STT3B: variants seen among roughly 807,000 people sequenced by gnomAD.
The protein encoded by STT3B is STT3 oligosaccharyltransferase complex catalytic subunit B, also known as dolichyl-diphosphooligosaccharide--protein glycosyltransferase subunit STT3B.
Under a neutral mutation model 96.8 loss-of-function variants are expected in STT3B, and 29 were observed. The observed-to-expected ratio is 0.30, with a 90% CI of 0.22 to 0.41. The LOEUF (loss-of-function observed/expected upper bound fraction) is 0.41. Among genes scored for constraint, STT3B ranks in the 10% least tolerant of loss-of-function variants. The pLI, the probability that STT3B is intolerant of heterozygous loss-of-function variation, is 1.00. For missense variants in STT3B, 640 were observed against 1,022.3 expected (o/e 0.63, Z 5.10); for synonymous variants, 367 against 360.0 (o/e 1.02, Z -0.22).
chr3:31,551,510 C>T (rs957328383), intron 1 of STT3B, among the ~76,000 whole-genome samples: 2 of 152,168 alleles, frequency 1.3e-5, no homozygotes, highest in Non-Finnish European at 2.9e-5. Context: ...AGCCACTGTG[C>T]CTGGCCTCTT....
Position 31,636,085 on chromosome 3 carries a change from A to ACTG in STT3B, c.*23_*24insGCT. On this transcript the variant is annotated 3_prime_UTR_variant, in exon 16 of 16. Coordinates refer to ENST00000295770, the MANE Select transcript of STT3B (RefSeq NM_178862.3). ...TTTAAATGCACTGTTCTGGTTCCTA[A>ACTG]CTTGAAGCAGTTGTCCTTGTGAGAA... The ACTG allele has an allele frequency of 6.4e-7, 1 of 1,567,476 alleles. No homozygotes were observed. Among genetic ancestry groups the ACTG allele is most frequent in the South Asian group, 1.2e-5 (1 of 82,958 alleles).
At chr3:31,630,831 C>G (rs1433002087) in intron 14 of STT3B, among the ~76,000 whole-genome samples, 2 of 151,708 alleles carry the variant, frequency 1.3e-5, no homozygotes, top group Non-Finnish European at 1.5e-5. Context: ...GAGTCTCGCT[C>G]TGTCGCCCAG....
chr3:31,578,567 T>TCC (rs144825146), intron 2 of STT3B, among the ~76,000 whole-genome samples: 18 of 151,814 alleles, frequency 1.2e-4, no homozygotes, highest in Admixed American at 4.6e-4. Flanking sequence ...TGTTTTTTTT[T>TCC]CCCCCCCAGT....
chr3:31,549,853 A>G (rs1697507779), intron 1 of STT3B, among the ~76,000 whole-genome samples: 1 of 152,196 alleles, frequency 6.6e-6, no homozygotes. Context: ...GAGAAAGAAC[A>G]CTTGTGCCCA....
At chr3:31,627,144 G>C (rs758057942) in intron 13 of STT3B, among the ~76,000 whole-genome samples, 26 of 152,152 alleles carry the variant, frequency 1.7e-4, no homozygotes, top group African/African-American at 5.5e-4. Context: ...CAGCGGACCA[G>C]CACTGGTCCG....
At chr3:31,563,930 C>G (rs1346790397) in intron 1 of STT3B, among the ~76,000 whole-genome samples, 2 of 152,000 alleles carry the variant, frequency 1.3e-5, no homozygotes, top group African/African-American at 2.4e-5. Flanking sequence ...CTCAGCCTCC[C>G]GAGTAGCTGA....
chr3:31,617,110 C>T (rs761741014), intron 7 of STT3B, 35 bp downstream of exon 7: 1 of 1,427,222 alleles, frequency 7.0e-7, no homozygotes. Flanking sequence ...TGAATATTGT[C>T]TATACAAACA....
intron 1 of STT3B, among the ~76,000 whole-genome samples, chr3:31,536,172 G>A (rs1487010380): frequency 6.6e-6 from 1 of 152,204 alleles, no homozygotes; most frequent in African/African-American, 2.4e-5. Flanking sequence ...TAAAAGGAGG[G>A]GGATGTGTAG....
chr3:31,579,977 G>C lies in STT3B; in HGVS notation c.592G>C (p.Gly198Arg), dbSNP rs1209603060. The change falls in exon 3 of 16, where the codon GGA becomes CGA. Residue 198 changes from glycine (G) to arginine (R), a missense_variant. Physicochemically the swap from Gly to Arg is moderately radical, Grantham distance 125. Around this residue, in one of 8 missense-constraint regions of STT3B, gnomAD observed 267 missense variants for 388.3 expected, o/e 0.69. Transcript: ENST00000295770. ...LTRELWNQGA[G>R]LLAACFIAIV... The stretch of plus-strand genomic sequence containing the variant: ...AAGAGAACTTTGGAACCAAGGAGCA[G>C]GACTTTTAGCTGCTTGTTTTATTGC... 1 of 1,613,784 alleles carries C rather than the reference G, an allele frequency of 6.2e-7. No homozygotes were observed.
Position 31,588,299 on chromosome 3 carries a change from G to GTA in STT3B, c.711+8204_711+8205dup, listed in dbSNP as rs1409639996. On this transcript the variant is annotated intron_variant, in intron 3 of 15. Coordinates refer to ENST00000295770, the MANE Select transcript of STT3B (RefSeq NM_178862.3). The stretch of plus-strand genomic sequence containing the variant: ...TACTAGGTGCTTCACTATAATATAG[G>GTA]TAATAGAATTGAGTTTTACCCTTAA... 4.6e-5 allele frequency among the ~76,000 whole-genome samples: 7 copies of GTA among 151,944 alleles called. No homozygotes were observed. In the East Asian group the frequency reaches 1.4e-3, roughly 29 times the overall value.
chr3:31,621,998 T>TTA, intron 9 of STT3B, 99 bp from the exon 10 acceptor site: 1 of 766,586 alleles, frequency 1.3e-6, no homozygotes, highest in Non-Finnish European at 2.2e-6. Context: ...TGTGAGACAT[T>TTA]TATATAATTC....
At chr3:31,573,467 A>G (rs1047167513) in intron 1 of STT3B, among the ~76,000 whole-genome samples, 2 of 152,190 alleles carry the variant, frequency 1.3e-5, no homozygotes, top group Admixed American at 6.5e-5. Context: ...AGAAAATAGT[A>G]TACAGATTTC....
intron 1 of STT3B, among the ~76,000 whole-genome samples, chr3:31,543,559 C>T (rs1317646403): frequency 1.3e-5 from 2 of 152,100 alleles, no homozygotes; most frequent in African/African-American, 4.8e-5. Flanking sequence ...TACAGTAAGT[C>T]TCTGTTGTGC....
At chr3:31,582,032 G>T (rs1462958048) in intron 3 of STT3B, among the ~76,000 whole-genome samples, 1 of 152,156 alleles carries the variant, frequency 6.6e-6, no homozygotes, top group East Asian at 1.9e-4. Flanking sequence ...TATGGAATCA[G>T]TAGTAATGTC....
At chr3:31,605,297 A>G (rs1266703761) in intron 5 of STT3B, among the ~76,000 whole-genome samples, 2 of 152,196 alleles carry the variant, frequency 1.3e-5, no homozygotes, top group Non-Finnish European at 2.9e-5. Flanking sequence ...ATAAAGTACA[A>G]AATAGCAATT....
At chr3:31,627,231 C>T (rs989455700) in intron 13 of STT3B, among the ~76,000 whole-genome samples, 1 of 152,212 alleles carries the variant, frequency 6.6e-6, no homozygotes, top group Admixed American at 6.5e-5. Flanking sequence ...GCTCCGCCTC[C>T]TATCAGACCA....
In STT3B at chr3:31,534,652, C is replaced by T. The variant is rs545030454; in HGVS notation, c.314+1340C>T. Among the ~76,000 whole-genome samples the T allele has an allele frequency of 1.1e-3, 174 of 152,186 alleles. 1 individual carries two copies. The highest frequency in any genetic ancestry group is 4.1e-3 in the African/African-American group (169 of 41,508). Reference sequence around the variant, plus strand: ...TATAGTAATATACCAGATTTAAGTTCTGCATTATGGAGAGAAAAATTGGTA... The same window carrying T: ...TATAGTAATATACCAGATTTAAGTTTTGCATTATGGAGAGAAAAATTGGTA... On this transcript the variant is annotated intron_variant, in intron 1 of 15. Coordinates refer to ENST00000295770, the MANE Select transcript of STT3B (RefSeq NM_178862.3).
intron 5 of STT3B, among the ~76,000 whole-genome samples, chr3:31,612,626 G>T (rs922955958): frequency 3.3e-5 from 5 of 152,090 alleles, no homozygotes; most frequent in African/African-American, 1.2e-4. Flanking sequence ...TAGTGCATCT[G>T]CTTCTGTATA....
Position 31,629,345 on chromosome 3 carries a change from A to G in STT3B, c.2121A>G (p.Ala707=), listed in dbSNP as rs748877239. 11 of 1,611,200 alleles carry G rather than the reference A, an allele frequency of 6.8e-6. No individual in the cohort carries two copies. Among genetic ancestry groups the G allele is most frequent in the South Asian group, 1.1e-5 (1 of 90,460 alleles). The change falls in exon 14 of 16, where the codon GCA becomes GCG. Residue 707 remains alanine (A), a synonymous_variant. Transcript: ENST00000295770. ...AGGGAGAATTCCGTGTAGACAAAGC[A>G]GGATCCCCTACTTTGTTGAATTGCC... is the stretch of plus-strand genomic sequence containing the variant. ...TPQGEFRVDK[A]GSPTLLNCLM...
Sources: allele counts gnomAD v4.1 joint callset (sites outside exome capture counted in the v4.1 genomes callset), GRCh38; gene constraint gnomAD v4.1.1; regional missense constraint gnomAD v4.1.1; transcripts MANE v1.5; gene names NCBI Gene and HGNC (gene_info 2026-07-23, HGNC 2026-07-21).